The following CHST11 variants were observed in gnomAD, a reference collection of about 807,000 sequenced individuals.
CHST11 encodes C4S-1.
In CHST11, 9 loss-of-function variants were observed where a neutral mutation model predicts 30.4. That is an observed-to-expected ratio of 0.30 (90% CI 0.18 to 0.52). The LOEUF (loss-of-function observed/expected upper bound fraction) is 0.52, where lower values mean the gene tolerates loss of function less well. Among genes scored for constraint, CHST11 ranks in the 20% least tolerant of loss-of-function variants. The pLI is 0.97. For synonymous variants in CHST11, 152 were observed against 187.8 expected, an observed-to-expected ratio of 0.81 and a Z score of 1.56; for missense variants, 348 against 460.6, an observed-to-expected ratio of 0.76 and a Z score of 2.24.
intron 2 of CHST11, among the ~76,000 whole-genome samples, chr12:104,736,873 A>T (rs2040305343): frequency 6.6e-6 from 1 of 152,246 alleles, no homozygotes; most frequent in African/African-American, 2.4e-5. Flanking sequence ...TTGAAAGCAT[A>T]GGAGAAATGC....
intron 2 of CHST11, among the ~76,000 whole-genome samples, chr12:104,648,038 A>G (rs576428476): frequency 3.6e-4 from 55 of 152,318 alleles, no homozygotes; most frequent in Non-Finnish European, 5.7e-4. Flanking sequence ...TGTCACTTGC[A>G]TGGTATTCTG....
chr12:104,635,315 T>G (rs747775280), intron 2 of CHST11, among the ~76,000 whole-genome samples: 14 of 152,140 alleles, frequency 9.2e-5, no homozygotes, highest in Non-Finnish European at 1.8e-4. Context: ...AAAAGTACAT[T>G]TTTACACTTA....
rs568310695 is a variant in CHST11 at position 104,577,410 on chromosome 12, A to G, written c.119-24496A>G. Among the ~76,000 whole-genome samples, 21 of 152,182 alleles carry G rather than the reference A, an allele frequency of 1.4e-4. No homozygotes were observed. In the East Asian group the frequency reaches 3.7e-3, roughly 27 times the overall value. On this transcript the variant is annotated intron_variant, in intron 1 of 2. Coordinates refer to ENST00000303694, the MANE Select transcript of CHST11 (RefSeq NM_018413.6). ...TCTTTTTGGAACACTCCAGGAAAGA[A>G]GGGCTGTGTACACACTAGGTGCTTA...
At chr12:104,652,140 C>T (rs972717492) in intron 2 of CHST11, among the ~76,000 whole-genome samples, 1 of 152,168 alleles carries the variant, frequency 6.6e-6, no homozygotes, top group Non-Finnish European at 1.5e-5. Flanking sequence ...TTCCCACCCA[C>T]CCCCAGCTCT....
intron 2 of CHST11, among the ~76,000 whole-genome samples, chr12:104,723,505 C>T (rs2040194599): frequency 6.6e-6 from 1 of 152,198 alleles, no homozygotes; most frequent in African/African-American, 2.4e-5. Flanking sequence ...TAAATCACTC[C>T]CTGTTTTAGT....
intron 2 of CHST11, among the ~76,000 whole-genome samples, chr12:104,662,889 G>GT (rs2039609765): frequency 6.6e-6 from 1 of 152,112 alleles, no homozygotes; most frequent in Non-Finnish European, 1.5e-5. Flanking sequence ...ACTGACCTCC[G>GT]TGAAGGAATT....
At chr12:104,537,716 G>C (rs1471604799) in intron 1 of CHST11, among the ~76,000 whole-genome samples, 1 of 79,560 alleles carries the variant, frequency 1.3e-5, no homozygotes, top group Non-Finnish European at 2.5e-5. Context: ...TTTTTTTGGA[G>C]ACAGGGTCTC....
rs1451035585 is a variant in CHST11 at position 104,631,567 on chromosome 12, T to C, written c.204+29576T>C. 2.6e-5 allele frequency among the ~76,000 whole-genome samples: 4 copies of C among 152,142 alleles called. No homozygotes were observed. The East Asian group carries it at 5.8e-4, about 22-fold the overall frequency. On this transcript the variant is annotated intron_variant, in intron 2 of 2. Coordinates refer to ENST00000303694, the MANE Select transcript of CHST11 (RefSeq NM_018413.6). Reference sequence around the variant, plus strand: ...ATGGGGGACCCTCAGCCTGGCTCCCTTAAGTCAGGACAAATTCAGAGGAGT... The same window carrying C: ...ATGGGGGACCCTCAGCCTGGCTCCCCTAAGTCAGGACAAATTCAGAGGAGT...
At chr12:104,687,683 A>C (rs946153111) in intron 2 of CHST11, among the ~76,000 whole-genome samples, 5 of 152,188 alleles carry the variant, frequency 3.3e-5, no homozygotes, top group Admixed American at 3.3e-4. Flanking sequence ...TTGAAATGAG[A>C]AGATAGATGT....
At chr12:104,646,001 G>A (rs1170164114) in intron 2 of CHST11, among the ~76,000 whole-genome samples, 1 of 152,202 alleles carries the variant, frequency 6.6e-6, no homozygotes, top group African/African-American at 2.4e-5. Context: ...CCAGCGCTTT[G>A]CTCACACTAG....
chr12:104,657,415 A>G (rs954004320), intron 2 of CHST11, among the ~76,000 whole-genome samples: 1 of 152,152 alleles, frequency 6.6e-6, no homozygotes, highest in East Asian at 1.9e-4. Context: ...ACAGCCGTTC[A>G]TGGAGAGAAG....
At chr12:104,488,742 T>C (rs73183782) in intron 1 of CHST11, among the ~76,000 whole-genome samples, 184 of 14,634 alleles carry the variant, frequency 0.013, 1 homozygote, top group Admixed American at 0.017. Flanking sequence ...TGTGTACGCG[T>C]GTGTGTGTGT....
intron 1 of CHST11, among the ~76,000 whole-genome samples, chr12:104,555,758 C>G (rs187034543): frequency 2.0e-5 from 3 of 152,380 alleles, no homozygotes; most frequent in Admixed American, 6.5e-5. Flanking sequence ...TCCCTGGAGC[C>G]AACTCTAGGC....
At chr12:104,559,304 A>G (rs938956926) in intron 1 of CHST11, among the ~76,000 whole-genome samples, 7 of 152,230 alleles carry the variant, frequency 4.6e-5, no homozygotes, top group African/African-American at 1.7e-4. Context: ...TGTTCAACAA[A>G]TTAATTCATC....
intron 1 of CHST11, among the ~76,000 whole-genome samples, chr12:104,564,856 C>T (rs1442406706): frequency 6.6e-6 from 1 of 152,200 alleles, no homozygotes; most frequent in Non-Finnish European, 1.5e-5. Context: ...AGCAAAGGCA[C>T]ATCTTACATG....
chr12:104,531,868 C>T (rs547902068), intron 1 of CHST11, among the ~76,000 whole-genome samples: 6 of 152,322 alleles, frequency 3.9e-5, no homozygotes, highest in Middle Eastern at 3.4e-3. Context: ...CAAGACCAGA[C>T]CATGACTATG....
At chr12:104,626,948 T>C (rs2039221770) in intron 2 of CHST11, among the ~76,000 whole-genome samples, 2 of 152,200 alleles carry the variant, frequency 1.3e-5, no homozygotes, top group African/African-American at 2.4e-5. Flanking sequence ...CGTGTCATTA[T>C]ACATTTTAGA....
intron 2 of CHST11, among the ~76,000 whole-genome samples, chr12:104,662,962 G>A (rs753130999): frequency 8.5e-5 from 13 of 152,192 alleles, no homozygotes; most frequent in South Asian, 2.1e-4. Context: ...ATTGTGCCAC[G>A]GAGCCCACTC....
intron 1 of CHST11, among the ~76,000 whole-genome samples, chr12:104,487,314 T>G (rs752915409): frequency 3.3e-5 from 5 of 152,310 alleles, no homozygotes; most frequent in Non-Finnish European, 7.3e-5. Flanking sequence ...CAGGCAGGAG[T>G]GCAGTGGCAT....
Sources: allele counts gnomAD v4.1 joint callset (sites outside exome capture counted in the v4.1 genomes callset), GRCh38; gene constraint gnomAD v4.1.1; transcripts MANE v1.5; gene names NCBI Gene and HGNC (gene_info 2026-07-23, HGNC 2026-07-21).